Variants in MYB observed in about 807,000 individuals in gnomAD.
The protein encoded by MYB is MYB proto-oncogene, transcription factor.
In MYB, 28 loss-of-function variants were observed where a neutral mutation model predicts 92.9. The observed-to-expected ratio is 0.30, with a 90% CI of 0.22 to 0.41. The LOEUF (loss-of-function observed/expected upper bound fraction) is 0.41. MYB is among the 10% of genes least tolerant of loss of function. MYB has a pLI of 1.00. For missense variants in MYB, 679 were observed against 929.3 expected, an observed-to-expected ratio of 0.73 and a Z score of 3.50; for synonymous variants, 295 against 329.1, an observed-to-expected ratio of 0.90 and a Z score of 1.12.
intron 15 of MYB, 109 bp from the exon 16 acceptor site, chr6:135,217,755 C>G: frequency 9.0e-6 from 7 of 775,358 alleles, no homozygotes; most frequent in Admixed American, 2.1e-5. Flanking sequence ...TCTGACAAAG[C>G]CTTCCTGGTG....
chr6:135,203,127 C>T, intron 14 of MYB, 90 bp from the exon 15 acceptor site: 1 of 927,812 alleles, frequency 1.1e-6, no homozygotes, highest in Non-Finnish European at 1.7e-6. Context: ...TGTATCATCT[C>T]ATAGTAATCT....
At chr6:135,188,349 T>C (rs568819862) in intron 3 of MYB, among the ~76,000 whole-genome samples, 1 of 152,296 alleles carries the variant, frequency 6.6e-6, no homozygotes, top group African/African-American at 2.4e-5. Context: ...AAGCAGTTAC[T>C]AAGGACCCTG....
intron 3 of MYB, among the ~76,000 whole-genome samples, chr6:135,188,956 C>T (rs765867136): frequency 5.9e-5 from 9 of 152,204 alleles, no homozygotes; most frequent in Non-Finnish European, 8.8e-5. Context: ...CAGAGGCCCT[C>T]CTCTATTGCC....
rs1281592807 is a variant in MYB at position 135,190,371 on chromosome 6, T to C, written c.527+24T>C. The C allele has an allele frequency of 6.3e-7, 1 of 1,582,720 alleles. No individual in the cohort carries two copies. Among genetic ancestry groups the C allele is most frequent in the South Asian group, 1.1e-5 (1 of 89,904 alleles). On this transcript the variant is annotated intron_variant, in intron 5 of 15. Transcript: ENST00000341911. The surrounding 1 kb of genome is among the most constrained non-coding windows in gnomAD (Gnocchi z 4.5). ...CGGTAATAATATGTCAAAAAATATA[T>C]TGATCGGGAAGAATGAGGGAGTGGG...
intron 7 of MYB, among the ~76,000 whole-genome samples, 179 bp from the exon 8 acceptor site, chr6:135,194,177 C>G (rs1232822413): frequency 6.6e-6 from 1 of 152,156 alleles, no homozygotes; most frequent in Non-Finnish European, 1.5e-5. Context: ...TCACATCACT[C>G]CCTTAAGTCT....
chr6:135,194,720 A>C (rs1240416581), intron 8 of MYB: 3 of 574,486 alleles, frequency 5.2e-6, no homozygotes, highest in Admixed American at 3.5e-5. Flanking sequence ...CTTCAGAAGG[A>C]CTATAATCAG....
chr6:135,193,692 A>G lies in MYB; in HGVS notation c.763-146A>G, dbSNP rs1024525341. ...TAAAGGCCTGGCTAAATTTCACATT[A>G]AAAGGTTTTAAAAATTTGTTTAGTG... is the stretch of plus-strand genomic sequence containing the variant. On this transcript the variant is annotated intron_variant, in intron 6 of 15. Coordinates refer to ENST00000341911, the MANE Select transcript of MYB (RefSeq NM_001130173.2). 8 of 358,312 alleles carry G rather than the reference A, an allele frequency of 2.2e-5. 1 individual carries two copies. Among genetic ancestry groups the G allele is most frequent in the East Asian group, 1.0e-4 (3 of 29,894 alleles). 22.2% of individuals were successfully genotyped at this position (358,312 alleles called of 1,614,324 possible). A position where few individuals can be genotyped will look rare whatever the true frequency, so the allele number is the denominator to read the frequency against.
chr6:135,186,924 A>C (rs1157110139), intron 2 of MYB, among the ~76,000 whole-genome samples: 1 of 152,196 alleles, frequency 6.6e-6, no homozygotes, highest in Non-Finnish European at 1.5e-5. Flanking sequence ...GCTTCATTTA[A>C]ACCAGAGCTC....
In MYB at chr6:135,182,246, G is replaced by A. The variant is rs1027092220; in HGVS notation, c.23+710G>A. ...TCACTGCACTTAGGGAGGCTCGCCG[G>A]GAAGATGGGTGCAGTCCCTTCACAT... On this transcript the variant is annotated intron_variant, in intron 1 of 15. Transcript: ENST00000341911. The surrounding 1 kb of genome is among the most constrained non-coding windows in gnomAD (Gnocchi z 5.6). Among the ~76,000 whole-genome samples, 1 of 152,196 alleles carries A rather than the reference G, an allele frequency of 6.6e-6. No homozygotes were observed. The highest frequency in any genetic ancestry group is 1.5e-5 in the Non-Finnish European group (1 of 68,040).
intron 1 of MYB, among the ~76,000 whole-genome samples, chr6:135,185,514 G>A (rs561183782): frequency 2.0e-5 from 3 of 152,312 alleles, no homozygotes; most frequent in African/African-American, 7.2e-5. Flanking sequence ...AGATGCCAAA[G>A]ATTTTGAGTG....
chr6:135,189,765 T>C (rs1035314083), intron 3 of MYB, 26 bp from the exon 4 acceptor site: 1 of 1,591,008 alleles, frequency 6.3e-7, no homozygotes, highest in East Asian at 2.2e-5. Context: ...CATATCTTTA[T>C]GGTGGTGCAT....
chr6:135,188,748 G>A (rs1776271499), intron 3 of MYB, among the ~76,000 whole-genome samples: 1 of 152,036 alleles, frequency 6.6e-6, no homozygotes, highest in South Asian at 2.1e-4. Flanking sequence ...GACCTCAAGT[G>A]ATCTGCCCAC....
intron 2 of MYB, among the ~76,000 whole-genome samples, chr6:135,186,807 T>C (rs1432637800): frequency 1.3e-5 from 2 of 152,212 alleles, no homozygotes; most frequent in Admixed American, 1.3e-4. Context: ...AAATTATTAA[T>C]ATGTGGAGAA....
chr6:135,210,377 T>C (rs1779539651), intron 15 of MYB, among the ~76,000 whole-genome samples: 1 of 152,234 alleles, frequency 6.6e-6, no homozygotes, highest in African/African-American at 2.4e-5. Context: ...GCCCATGGCC[T>C]GACTTTTTTA....
chr6:135,205,971 C>T (rs1260718787), intron 15 of MYB, among the ~76,000 whole-genome samples: 2 of 151,188 alleles, frequency 1.3e-5, no homozygotes, highest in Non-Finnish European at 3.0e-5. Context: ...TTTTGGAGGC[C>T]GAGGTGGGCG....
intron 15 of MYB, 73 bp downstream of exon 15, chr6:135,203,397 G>GTGGTGGTGA (rs1778414266): frequency 8.0e-7 from 1 of 1,256,066 alleles, no homozygotes; most frequent in Non-Finnish European, 1.2e-6. Flanking sequence ...GGTGGTGGTG[G>GTGGTGGTGA]TGGTGGTGAT....
rs1287949433 is a variant in MYB, at chr6:135,182,767, C to T, written c.23+1231C>T. Among the ~76,000 whole-genome samples, 5 of 151,930 alleles carry T rather than the reference C, an allele frequency of 3.3e-5. No individual in the cohort carries two copies. The East Asian group carries it at 9.8e-4, about 30-fold the overall frequency. On this transcript the variant is annotated intron_variant, in intron 1 of 15. Transcript: ENST00000341911. The surrounding 1 kb of genome is among the most constrained non-coding windows in gnomAD (Gnocchi z 5.6). ...TTGAGCCTGCGGGCGCTGGTCCCCG[C>T]GCGGCGCTGGGAAGTTGCAAAGAGC...
At chr6:135,204,161 A>AGT (rs1442184317) in intron 15 of MYB, among the ~76,000 whole-genome samples, 2 of 152,216 alleles carry the variant, frequency 1.3e-5, no homozygotes, top group African/African-American at 4.8e-5. Context: ...GCACGATCAT[A>AGT]GGACAGCAGC....
chr6:135,196,670 AT>A, intron 9 of MYB: 1 of 1,164,400 alleles, frequency 8.6e-7, no homozygotes, highest in Admixed American at 2.2e-5. Context: ...GGAGATGACC[AT>A]TGCCGTAATA....
Sources: gnomAD v4.1 joint callset for allele counts (sites outside exome capture counted in the v4.1 genomes callset) on GRCh38, gnomAD v4.1.1 for gene constraint, Gnocchi (gnomAD v3.1) non-coding constraint, MANE v1.5 for transcripts, NCBI Gene and HGNC (gene_info 2026-07-23, HGNC 2026-07-21) for gene names.